The following CCDC192 variants were observed in gnomAD, a reference collection of about 807,000 sequenced individuals.
The protein encoded by CCDC192 is coiled-coil domain-containing protein 192.
intron 5 of CCDC192, among the ~76,000 whole-genome samples, chr5:127,814,742 A>G (rs1031856198): frequency 6.6e-6 from 1 of 152,134 alleles, no homozygotes; most frequent in Non-Finnish European, 1.5e-5. Flanking sequence ...CTTTCCAGCA[A>G]AGCAATCCCT....
At chr5:127,781,699 C>T (rs552098014) in intron 3 of CCDC192, among the ~76,000 whole-genome samples, 2 of 151,808 alleles carry the variant, frequency 1.3e-5, no homozygotes, top group African/African-American at 4.8e-5. Flanking sequence ...TATCCAGGAG[C>T]TTTGCTGAAT....
Position 127,887,449 on chromosome 5 carries a change from T to A in CCDC192, c.535+11788T>A, listed in dbSNP as rs185343898. On this transcript the variant is annotated intron_variant, in intron 6 of 6. Transcript: ENST00000514853. ...CAGGGAAATGTGTCATCCTCTAAGT[T>A]GACTCACAATACATCAACCTATTTG... Among the ~76,000 whole-genome samples, 22 of 152,152 alleles carry A rather than the reference T, an allele frequency of 1.4e-4. No homozygotes were observed. In the East Asian group the frequency reaches 3.7e-3, roughly 25 times the overall value.
chr5:127,808,369 A>G lies in CCDC192; in HGVS notation c.411+10207A>G, dbSNP rs559457141. Reference sequence around the variant, plus strand: ...ACACTAAATCCTTTCTGAAATGTACAGTCTCAAAGTAAATCAATGAATCCT... The same window carrying G: ...ACACTAAATCCTTTCTGAAATGTACGGTCTCAAAGTAAATCAATGAATCCT... On this transcript the variant is annotated intron_variant, in intron 5 of 6. Transcript: ENST00000514853. 9.9e-5 allele frequency among the ~76,000 whole-genome samples: 15 copies of G among 151,804 alleles called. No homozygotes were observed. In the South Asian group the frequency reaches 2.1e-3, roughly 21 times the overall value.
At chr5:127,893,907 A>G (rs1224376901) in intron 6 of CCDC192, among the ~76,000 whole-genome samples, 3 of 152,212 alleles carry the variant, frequency 2.0e-5, no homozygotes, top group Non-Finnish European at 4.4e-5. Flanking sequence ...AAAAGTTGAA[A>G]TTAAAGAAAA....
intron 2 of CCDC192, among the ~76,000 whole-genome samples, chr5:127,751,721 G>A (rs1379814445): frequency 6.6e-6 from 1 of 152,052 alleles, no homozygotes; most frequent in African/African-American, 2.4e-5. Flanking sequence ...TTCCAACTTG[G>A]TTCCATTCTC....
rs1320619679 is a variant in CCDC192, at chr5:127,731,020, A to G, written c.115-23248A>G. Reference sequence around the variant, plus strand: ...AGTATTGGAAGTTTTGGCCAGGGCAATCAGGCAAGAAAAGGAATAGAGCAT... The same window carrying G: ...AGTATTGGAAGTTTTGGCCAGGGCAGTCAGGCAAGAAAAGGAATAGAGCAT... On this transcript the variant is annotated intron_variant, in intron 2 of 6. Transcript: ENST00000514853. Among the ~76,000 whole-genome samples the G allele has an allele frequency of 3.3e-5, 5 of 152,326 alleles. No homozygotes were observed. In the East Asian group the frequency reaches 9.6e-4, roughly 29 times the overall value.
chr5:127,940,954 C>T, intron 6 of CCDC192: 1 of 361,894 alleles, frequency 2.8e-6, no homozygotes, highest in Non-Finnish European at 4.9e-6. Context: ...TGATGCTGTA[C>T]ACTCTCAAGA....
intron 2 of CCDC192, among the ~76,000 whole-genome samples, chr5:127,723,561 A>G (rs1752145088): frequency 6.6e-6 from 1 of 152,232 alleles, no homozygotes; most frequent in Non-Finnish European, 1.5e-5. Flanking sequence ...AGCACAGTTC[A>G]ATTGCTATGA....
chr5:127,834,983 T>C (rs918063456), intron 5 of CCDC192, among the ~76,000 whole-genome samples: 1 of 152,162 alleles, frequency 6.6e-6, no homozygotes, highest in African/African-American at 2.4e-5. Context: ...AATGAAATGG[T>C]TCCAAAACAT....
intron 2 of CCDC192, among the ~76,000 whole-genome samples, chr5:127,744,840 C>T (rs764803719): frequency 1.1e-4 from 17 of 152,150 alleles, no homozygotes; most frequent in African/African-American, 4.1e-4. Context: ...AAAGCATTTA[C>T]CTGCTTTACC....
chr5:127,800,654 A>G (rs1757460136), intron 5 of CCDC192, among the ~76,000 whole-genome samples: 1 of 152,160 alleles, frequency 6.6e-6, no homozygotes, highest in Non-Finnish European at 1.5e-5. Context: ...AGAATATACA[A>G]AGCCAAATTT....
At chr5:127,818,059 GA>G (rs1342454936) in intron 5 of CCDC192, among the ~76,000 whole-genome samples, 1 of 152,108 alleles carries the variant, frequency 6.6e-6, no homozygotes, top group Admixed American at 6.5e-5. Context: ...TAAAGTATAT[GA>G]AAAAACCCAG....
At chr5:127,817,968 A>C (rs1749106597) in intron 5 of CCDC192, among the ~76,000 whole-genome samples, 1 of 152,174 alleles carries the variant, frequency 6.6e-6, no homozygotes, top group Non-Finnish European at 1.5e-5. Context: ...ATACAAATCC[A>C]CAATTCTTCA....
chr5:127,894,169 A>G (rs1305513121), intron 6 of CCDC192, among the ~76,000 whole-genome samples: 1 of 149,536 alleles, frequency 6.7e-6, no homozygotes, highest in African/African-American at 2.5e-5. Flanking sequence ...GATTGCTCGG[A>G]TACTTTAGTC....
chr5:127,800,399 AAAC>A (rs1246407366), intron 5 of CCDC192, among the ~76,000 whole-genome samples: 9,116 of 107,050 alleles, frequency 0.085, 268 homozygotes, highest in Middle Eastern at 0.12. Context: ...AAAAAAAAAA[AAAC>A]AACAACAACA....
At chr5:127,845,944 G>T (rs549830229) in intron 5 of CCDC192, among the ~76,000 whole-genome samples, 1 of 152,042 alleles carries the variant, frequency 6.6e-6, no homozygotes, top group African/African-American at 2.4e-5. Context: ...TTCCTGCAAT[G>T]GTCTCCCTTG....
chr5:127,856,554 AG>A (rs991172705), intron 5 of CCDC192, among the ~76,000 whole-genome samples: 4 of 152,248 alleles, frequency 2.6e-5, no homozygotes, highest in African/African-American at 9.6e-5. Context: ...ATGGTGCAAC[AG>A]GCCTAGCTTT....
In CCDC192 at chr5:127,786,310, TCTGTGAC is replaced by T. The variant is rs1756532704; in HGVS notation, c.223-10792_223-10786del. 3.0e-5 allele frequency: 19 copies of T among 632,882 alleles called. No individual in the cohort carries two copies. The East Asian group carries it at 5.0e-4, about 17-fold the overall frequency. The allele number at this position is 632,882 out of a possible 1,614,324, so 39.2% of individuals were successfully genotyped here. On this transcript the variant is annotated intron_variant, in intron 3 of 6. Transcript: ENST00000514853. ...GTTCTGCTGCAAGAATTCAGTACTC[TCTGTGAC>T]ATAAAATCTCTCTGTGACAGAAAAA...
chr5:127,875,494 G>A (rs565028011), intron 5 of CCDC192, 44 bp from the exon 6 acceptor site: 54 of 394,636 alleles, frequency 1.4e-4, no homozygotes, highest in African/African-American at 7.2e-4. Context: ...TCTTTGATGC[G>A]TCTGTCCCTA....
Sources: allele counts gnomAD v4.1 joint callset (sites outside exome capture counted in the v4.1 genomes callset), GRCh38; gene constraint gnomAD v4.1.1; transcripts MANE v1.5; gene names NCBI Gene and HGNC (gene_info 2026-07-23, HGNC 2026-07-21).